POLR1A: variants seen among roughly 807,000 people sequenced by gnomAD.
The protein encoded by POLR1A is DNA-directed RNA polymerase I subunit RPA1.
In POLR1A, 84 loss-of-function variants were observed where a neutral mutation model predicts 205.3. The ratio of observed to expected loss-of-function variants is 0.41; its 90% CI spans 0.34 to 0.49. The LOEUF (loss-of-function observed/expected upper bound fraction) is 0.49. Ranked by LOEUF, POLR1A falls within the 20% of genes least tolerant of loss-of-function variation. The pLI, the probability that POLR1A is intolerant of heterozygous loss-of-function variation, is 0.22. For synonymous variants in POLR1A, 799 were observed against 863.7 expected (o/e 0.93, Z 1.31); for missense variants, 1,645 against 2,204.5 (o/e 0.75, Z 5.08).
rs1315194277 is a variant in POLR1A, at chr2:86,042,036, C to G, written c.3425G>C (p.Cys1142Ser). The G allele has an allele frequency of 6.2e-7, 1 of 1,613,818 alleles. No individual in the cohort carries two copies. The highest frequency in any genetic ancestry group is 8.5e-7 in the Non-Finnish European group (1 of 1,180,030). The change falls in exon 24 of 34, where the codon TGT (cysteine) becomes TCT (serine). Residue 1142 changes from cysteine (C) to serine (S), a missense_variant. This residue lies in a region of POLR1A where 201 missense variants were observed against 222.3 expected (regional missense o/e 0.90). Coordinates refer to ENST00000263857, the MANE Select transcript of POLR1A (RefSeq NM_015425.6). ...CCAGACAGACAGACTGGGGTCAGGACAAGCGGCCGCCTTCTTCTGGTATTT... is the reference window on the plus strand; with the variant it reads ...CCAGACAGACAGACTGGGGTCAGGAGAAGCGGCCGCCTTCTTCTGGTATTT... ...RRKYQKKAAA[C>S]PDPSLSVWRP...
intron 20 of POLR1A, 40 bp from the exon 21 acceptor site, chr2:86,045,400 G>A (rs1672692628): frequency 1.3e-6 from 2 of 1,513,790 alleles, no homozygotes; most frequent in Non-Finnish European, 9.2e-7. Context: ...GTGACAGTGA[G>A]GACAGTGCGC....
At chr2:86,067,603 T>A (rs1673104746) in intron 13 of POLR1A, among the ~76,000 whole-genome samples, 1 of 152,072 alleles carries the variant, frequency 6.6e-6, no homozygotes, top group Non-Finnish European at 1.5e-5. Context: ...AGTATTATGG[T>A]TACTTAAGGA....
chr2:86,085,735 C>T (rs1419164585), intron 6 of POLR1A, among the ~76,000 whole-genome samples: 1 of 152,192 alleles, frequency 6.6e-6, no homozygotes, highest in African/African-American at 2.4e-5. Context: ...TGCGCTGCAT[C>T]CCCTCCTAAC....
At chr2:86,052,172 T>G (rs529693094) in intron 16 of POLR1A, among the ~76,000 whole-genome samples, 1 of 152,330 alleles carries the variant, frequency 6.6e-6, no homozygotes, top group Non-Finnish European at 1.5e-5. Context: ...CTCGAACTCC[T>G]GGGCTCAAGT....
rs1295006544 is a variant in POLR1A, at chr2:86,025,935, T to C, written c.*1488A>G. 1 of 152,230 alleles carries C rather than the reference T, an allele frequency of 6.6e-6. No individual in the cohort carries two copies. Among genetic ancestry groups the C allele is most frequent in the Admixed American group, 6.5e-5 (1 of 15,272 alleles). The allele number at this position is 152,230 out of a possible 1,614,324, so 9.4% of individuals were successfully genotyped here. On this transcript the variant is annotated 3_prime_UTR_variant, in exon 34 of 34. Coordinates refer to ENST00000263857, the MANE Select transcript of POLR1A (RefSeq NM_015425.6). ...GATTTCTGTCAGGCTTTCCCCAGTG[T>C]AGGCCTAGGAGGTGCAGGCTGGGTC... is the stretch of plus-strand genomic sequence containing the variant.
chr2:86,089,307 T>C (rs1412276597), intron 4 of POLR1A, among the ~76,000 whole-genome samples: 2 of 152,234 alleles, frequency 1.3e-5, no homozygotes, highest in Non-Finnish European at 2.9e-5. Context: ...TGGCAGCAGA[T>C]GGGAATCATC....
chr2:86,083,016 G>A (rs1673433597), intron 7 of POLR1A, 66 bp downstream of exon 7: 3 of 1,177,070 alleles, frequency 2.5e-6, no homozygotes, highest in Non-Finnish European at 3.8e-6. Context: ...ATAAGGCAGG[G>A]TTAATGAGTC....
chr2:86,099,608 C>A (rs1673776873), intron 2 of POLR1A, among the ~76,000 whole-genome samples: 1 of 152,012 alleles, frequency 6.6e-6, no homozygotes, highest in African/African-American at 2.4e-5. Context: ...CTCAGGGAGA[C>A]CCTGAGAACA....
intron 24 of POLR1A, among the ~76,000 whole-genome samples, chr2:86,041,263 G>GTGTGTGTT (rs1177924966): frequency 6.7e-6 from 1 of 148,570 alleles, no homozygotes; most frequent in African/African-American, 2.5e-5. Context: ...GTGTGTGTGT[G>GTGTGTGTT]TGTGCTGATC....
At chr2:86,043,851 A>T (rs1672661055) in intron 22 of POLR1A, among the ~76,000 whole-genome samples, 2 of 152,162 alleles carry the variant, frequency 1.3e-5, no homozygotes, top group African/African-American at 4.8e-5. Flanking sequence ...AACGGATAGT[A>T]TTGATAGTGT....
chr2:86,035,328 A>C (rs1384371871), intron 27 of POLR1A, among the ~76,000 whole-genome samples: 2 of 152,224 alleles, frequency 1.3e-5, no homozygotes, highest in African/African-American at 2.4e-5. Flanking sequence ...TGACTTTAGA[A>C]AGATACAATC....
At chr2:86,103,762 A>G (rs1294314514) in intron 1 of POLR1A, among the ~76,000 whole-genome samples, 2 of 152,232 alleles carry the variant, frequency 1.3e-5, no homozygotes, top group Middle Eastern at 3.2e-3. Context: ...ACAAATATAC[A>G]TAAGCACAAA....
At chr2:86,099,114 T>G (rs1673763663) in intron 2 of POLR1A, among the ~76,000 whole-genome samples, 1 of 152,120 alleles carries the variant, frequency 6.6e-6, no homozygotes, top group Non-Finnish European at 1.5e-5. Context: ...GGTGGGCAGA[T>G]CACTTGAGGC....
Position 86,025,486 on chromosome 2 carries a change from G to GTGGTTTTA in POLR1A, c.*1936_*1937insTAAAACCA, listed in dbSNP as rs1449829085. 1 of 152,262 alleles carries GTGGTTTTA rather than the reference G, an allele frequency of 6.6e-6. No individual in the cohort carries two copies. The highest frequency in any genetic ancestry group is 1.9e-4 in the East Asian group (1 of 5,196). The allele number at this position is 152,262 out of a possible 1,614,324, so 9.4% of individuals were successfully genotyped here. On this transcript the variant is annotated 3_prime_UTR_variant, in exon 34 of 34. Transcript: ENST00000263857. ...AAATGTCTGTTTAAAAACCAGACATGCTGTCTTAATACTCATCCATCAGGA... is the reference window on the plus strand; with the variant it reads ...AAATGTCTGTTTAAAAACCAGACATGTGGTTTTACTGTCTTAATACTCATCCATCAGGA...
At chr2:86,029,354 G>A (rs1672334786) in intron 31 of POLR1A, among the ~76,000 whole-genome samples, 2 of 152,086 alleles carry the variant, frequency 1.3e-5, no homozygotes, top group Non-Finnish European at 2.9e-5. Context: ...GGGGGGTTAG[G>A]CTAGAGGGCC....
chr2:86,089,759 C>T (rs1363085541), intron 4 of POLR1A, 63 bp downstream of exon 4: 4 of 1,030,392 alleles, frequency 3.9e-6, no homozygotes, highest in African/African-American at 1.6e-5. Flanking sequence ...CAAAGGACAA[C>T]ACAGAGGGAA....
Position 86,053,121 on chromosome 2 carries a change from T to TA in POLR1A, c.2209-122_2209-121insT, listed in dbSNP as rs1445595199. 1.2e-5 allele frequency: 6 copies of TA among 516,240 alleles called. No homozygotes were observed. The Admixed American group carries it at 1.3e-4, about 11-fold the overall frequency. 32.0% of individuals were successfully genotyped at this position (516,240 alleles called of 1,614,324 possible). On this transcript the variant is annotated intron_variant, in intron 15 of 33. Transcript: ENST00000263857. ...TCCCTCTACTGTGACCCGCCTAGAA[T>TA]CCTTCATGGAAAAAAGTAGGGCATA... is the stretch of plus-strand genomic sequence containing the variant.
In POLR1A at chr2:86,105,822, T is replaced by A; in HGVS notation, c.-46A>T. The A allele has an allele frequency of 6.8e-7, 1 of 1,474,744 alleles. No individual in the cohort carries two copies. Among genetic ancestry groups the A allele is most frequent in the Non-Finnish European group, 9.5e-7 (1 of 1,053,708 alleles). The allele number at this position is 1,474,744 out of a possible 1,614,324, so 91.4% of individuals were successfully genotyped here. On this transcript the variant is annotated 5_prime_UTR_variant, in exon 1 of 34. Transcript: ENST00000263857. The stretch of plus-strand genomic sequence containing the variant: ...TCCGACACCCCAAGAGACGTTCCAC[T>A]CACCACCTGACTATTCTTAATTCAA...
At chr2:86,091,993 T>C (rs990064867) in intron 3 of POLR1A, among the ~76,000 whole-genome samples, 54 of 152,206 alleles carry the variant, frequency 3.5e-4, no homozygotes, top group African/African-American at 1.2e-3. Context: ...CGTTTGCCTG[T>C]AGTCCCAGCT....
Sources: gnomAD v4.1 joint callset for allele counts (sites outside exome capture counted in the v4.1 genomes callset) on GRCh38, gnomAD v4.1.1 for gene constraint, gnomAD v4.1.1 regional missense constraint, MANE v1.5 for transcripts, NCBI Gene and HGNC (gene_info 2026-07-23, HGNC 2026-07-21) for gene names.